KANSL1: variants seen among roughly 807,000 people sequenced by gnomAD.
The protein encoded by KANSL1 is KAT8 regulatory NSL complex subunit 1, also known as MLL1/MLL complex subunit KANSL1.
In KANSL1, 22 loss-of-function variants were observed where a neutral mutation model predicts 103.6. That is an observed-to-expected ratio of 0.21 (90% CI 0.15 to 0.30). The LOEUF (loss-of-function observed/expected upper bound fraction) is 0.30. Among genes scored for constraint, KANSL1 ranks in the 10% least tolerant of loss-of-function variants. The pLI, the probability that KANSL1 is intolerant of heterozygous loss-of-function variation, is 1.00. For missense variants in KANSL1, 1,337 were observed against 1,399.8 expected (o/e 0.96, Z 0.72); for synonymous variants, 600 against 527.6 (o/e 1.14, Z -1.88).
chr17:46,107,282 C>T (rs944208238), intron 2 of KANSL1, among the ~76,000 whole-genome samples: 6 of 152,206 alleles, frequency 3.9e-5, no homozygotes, highest in South Asian at 2.1e-4. Flanking sequence ...TTTCTTTTTA[C>T]GGCAAATACT....
intron 3 of KANSL1, among the ~76,000 whole-genome samples, chr17:46,089,300 A>C (rs1484778061): frequency 6.6e-6 from 1 of 151,860 alleles, no homozygotes; most frequent in African/African-American, 2.4e-5. Context: ...CCCAAAAGGG[A>C]CTCTACTCAC....
At chr17:46,050,364 T>C in intron 7 of KANSL1, 169 bp downstream of exon 7, 1 of 617,004 alleles carries the variant, frequency 1.6e-6, no homozygotes, top group East Asian at 2.8e-5. Flanking sequence ...CACCTTCTGG[T>C]TTGGTGGATC....
chr17:46,191,736 A>G (rs1169852331), intron 1 of KANSL1, among the ~76,000 whole-genome samples: 3 of 152,270 alleles, frequency 2.0e-5, no homozygotes, highest in Non-Finnish European at 1.5e-5. Context: ...ATTTAAAAAT[A>G]TAAACACACA....
At chr17:46,170,647 GACT>G (rs1266101184) in intron 2 of KANSL1, 56 of 572,448 alleles carry the variant, frequency 9.8e-5, no homozygotes, top group Non-Finnish European at 5.6e-5. Flanking sequence ...CCACCATTTA[GACT>G]ACAACAATAC....
chr17:46,103,691 T>C (rs2042413175), intron 2 of KANSL1, among the ~76,000 whole-genome samples: 1 of 152,222 alleles, frequency 6.6e-6, no homozygotes, highest in African/African-American at 2.4e-5. Context: ...TTTTACTGAC[T>C]GTGCCTTTAA....
intron 2 of KANSL1, among the ~76,000 whole-genome samples, chr17:46,144,284 TG>T (rs2044581628): frequency 6.6e-6 from 1 of 152,198 alleles, no homozygotes; most frequent in African/African-American, 2.4e-5. Context: ...AATCAAAAAA[TG>T]TTTGTTGAAT....
intron 2 of KANSL1, among the ~76,000 whole-genome samples, chr17:46,165,712 T>C (rs1567754546): frequency 2.0e-5 from 3 of 150,770 alleles, no homozygotes; most frequent in Non-Finnish European, 4.4e-5. Context: ...GGTTTCACCA[T>C]GTTGGCCAGG....
intron 1 of KANSL1, among the ~76,000 whole-genome samples, chr17:46,212,834 T>C (rs1286667914): frequency 4.6e-5 from 7 of 152,346 alleles, no homozygotes; most frequent in Non-Finnish European, 1.0e-4. Context: ...GATTGTCCCC[T>C]CACCACCTTC....
intron 1 of KANSL1, among the ~76,000 whole-genome samples, chr17:46,177,947 T>C (rs2046605355): frequency 6.6e-6 from 1 of 152,094 alleles, no homozygotes; most frequent in Non-Finnish European, 1.5e-5. Context: ...CCAGCTAGTT[T>C]TTTGTATTTT....
chr17:46,076,127 T>C (rs2078757660), intron 4 of KANSL1, among the ~76,000 whole-genome samples: 1 of 151,736 alleles, frequency 6.6e-6, no homozygotes, highest in Admixed American at 6.5e-5. Flanking sequence ...TAAATTAACT[T>C]TGTAAGAAGG....
intron 2 of KANSL1, among the ~76,000 whole-genome samples, chr17:46,140,094 A>G (rs1346995862): frequency 6.6e-6 from 1 of 152,190 alleles, no homozygotes; most frequent in African/African-American, 2.4e-5. Flanking sequence ...CTCAGAAATA[A>G]TCACTGTTAG....
chr17:46,123,862 G>C (rs1245281486), intron 2 of KANSL1, among the ~76,000 whole-genome samples: 4 of 152,242 alleles, frequency 2.6e-5, no homozygotes, highest in East Asian at 1.9e-4. Flanking sequence ...GATCATCGAT[G>C]AAGATGGCTC....
chr17:46,098,548 A>C (rs2042175599), intron 2 of KANSL1, among the ~76,000 whole-genome samples: 1 of 152,250 alleles, frequency 6.6e-6, no homozygotes, highest in South Asian at 2.1e-4. Flanking sequence ...GATATTAATG[A>C]AGGTCTTATG....
chr17:46,200,909 C>CT (rs112647480), intron 1 of KANSL1, among the ~76,000 whole-genome samples: 18,418 of 145,208 alleles, frequency 0.13, 22 homozygotes, highest in Middle Eastern at 0.2. Flanking sequence ...AAGGGAATTA[C>CT]TTTTTTTTTT....
chr17:46,129,286 C>T (rs577627665), intron 2 of KANSL1, among the ~76,000 whole-genome samples: 8 of 152,114 alleles, frequency 5.3e-5, no homozygotes, highest in South Asian at 2.1e-4. Context: ...AATACTGGTA[C>T]GATGTCAAGC....
intron 2 of KANSL1, among the ~76,000 whole-genome samples, chr17:46,115,827 C>G (rs2043022617): frequency 6.6e-6 from 1 of 152,214 alleles, no homozygotes; most frequent in African/African-American, 2.4e-5. Context: ...AGGCTCATCA[C>G]AGAGGGTAAC....
intron 7 of KANSL1, among the ~76,000 whole-genome samples, chr17:46,048,300 C>A (rs1431369958): frequency 6.6e-6 from 1 of 152,028 alleles, no homozygotes; most frequent in Admixed American, 6.6e-5. Flanking sequence ...GGTGCAGTGG[C>A]TCCTGACTGT....
chr17:46,130,187 C>CAAA (rs35017603), intron 2 of KANSL1, among the ~76,000 whole-genome samples: 1,475 of 75,266 alleles, frequency 0.02, 42 homozygotes, highest in African/African-American at 0.072. Context: ...ATCCTGTCTC[C>CAAA]AAAAAAAAAA....
intron 6 of KANSL1, among the ~76,000 whole-genome samples, chr17:46,063,035 G>T (rs1040752937): frequency 6.6e-6 from 1 of 152,132 alleles, no homozygotes; most frequent in African/African-American, 2.4e-5. Flanking sequence ...GAGCAACAGA[G>T]CAAGACTCCA....
Sources: allele counts gnomAD v4.1 joint callset (sites outside exome capture counted in the v4.1 genomes callset), GRCh38; gene constraint gnomAD v4.1.1; transcripts MANE v1.5; gene names NCBI Gene and HGNC (gene_info 2026-07-23, HGNC 2026-07-21).